The following ACOT12 variants were observed in gnomAD, a reference collection of about 807,000 sequenced individuals.
The protein encoded by ACOT12 is acetyl-coenzyme A thioesterase.
ACOT12 carries 51 observed loss-of-function variants against 67.7 expected under a neutral mutation model. That is an observed-to-expected ratio of 0.75 (90% confidence interval 0.60 to 0.95). ACOT12 has a LOEUF of 0.95. Ranked by LOEUF, ACOT12 falls within the 40% of genes least tolerant of loss-of-function variation. The pLI is 0.00. For synonymous variants in ACOT12, 251 were observed against 244.6 expected, an observed-to-expected ratio of 1.03 and a Z score of -0.24; for missense variants, 734 against 708.1, an observed-to-expected ratio of 1.04 and a Z score of -0.41.
chr5:81,332,489 G>A lies in ACOT12; in HGVS notation c.1379C>T (p.Pro460Leu). The A allele has an allele frequency of 2.5e-6, 4 of 1,613,842 alleles. No homozygotes were observed. Among genetic ancestry groups the A allele is most frequent in the Non-Finnish European group, 3.4e-6 (4 of 1,179,930 alleles). ...DLVVLVSRRK[P>L]LKDGNTYTVA... ...TGCATATACTCACCCATCTTTGAGGGGTTTTCTTCGTGATACGAGTACTAC... is the reference window on the plus strand; with the variant it reads ...TGCATATACTCACCCATCTTTGAGGAGTTTTCTTCGTGATACGAGTACTAC... Residue 460 changes from proline (P) to leucine (L), a missense_variant, in exon 13 of 15, where the codon CCC (proline) becomes CTC (leucine). Physicochemically the swap from Pro to Leu is moderately conservative, Grantham distance 98 (BLOSUM62 -3). Transcript: ENST00000307624.
At chr5:81,347,010 T>A (rs1425137779) in intron 6 of ACOT12, among the ~76,000 whole-genome samples, 1 of 152,180 alleles carries the variant, frequency 6.6e-6, no homozygotes, top group Non-Finnish European at 1.5e-5. Flanking sequence ...GTATTCTAAA[T>A]ATTCTCTTCT....
intron 10 of ACOT12, among the ~76,000 whole-genome samples, chr5:81,343,550 C>A (rs939458845): frequency 6.6e-6 from 1 of 152,218 alleles, no homozygotes; most frequent in Non-Finnish European, 1.5e-5. Context: ...TACCAGGTGG[C>A]ACTGTGCCAT....
In ACOT12 at chr5:81,362,611, G is replaced by A. The variant is rs563763029; in HGVS notation, c.360+1177C>T. ...TCCTTTGTCACTTGCGCTCAGATAC[G>A]GGCACCTGCACCCATCCCCTATTCT... is the stretch of plus-strand genomic sequence containing the variant. On this transcript the variant is annotated intron_variant, in intron 4 of 14. Transcript: ENST00000307624. Among the ~76,000 whole-genome samples, 3 of 152,186 alleles carry A rather than the reference G, an allele frequency of 2.0e-5. No individual in the cohort carries two copies. In the South Asian group the frequency reaches 6.2e-4, roughly 32 times the overall value.
In ACOT12 at chr5:81,344,979, CGCCCTCG is replaced by C; in HGVS notation, c.829_835del (p.Arg277ValfsTer47). ...AATGAGAAAAGCACTGTTGATGTGA[CGCCCTCG>C]GCCCTCGGCCCATTCCTGACAGTCA... On this transcript the variant is annotated frameshift_variant, in exon 8 of 15. Transcript: ENST00000307624. LOFTEE classifies it high-confidence loss of function. 6.2e-7 allele frequency: 1 copy of C among 1,614,152 alleles called. No individual in the cohort carries two copies. Among genetic ancestry groups the C allele is most frequent in the Non-Finnish European group, 8.5e-7 (1 of 1,180,014 alleles).
intron 12 of ACOT12, among the ~76,000 whole-genome samples, chr5:81,332,913 T>A (rs867087385): frequency 1.2e-4 from 18 of 151,970 alleles, no homozygotes; most frequent in Admixed American, 3.3e-4. Context: ...AAAAATTTTT[T>A]AAAAAATTAT....
Position 81,363,888 on chromosome 5 carries a change from A to G in ACOT12, c.260T>C (p.Ile87Thr). The change falls in exon 4 of 15, where the codon ATC (isoleucine) becomes ACC (threonine). Residue 87 changes from isoleucine (I) to threonine (T), a missense_variant and splice_region_variant. Coordinates refer to ENST00000307624, the MANE Select transcript of ACOT12 (RefSeq NM_130767.3). Reference protein sequence around the residue: ...VTRAFSTSMEISIKVMVQDML... With the variant: ...VTRAFSTSMETSIKVMVQDML... The stretch of plus-strand genomic sequence containing the variant: ...ATCCTGTACCATGACCTTGATACTG[A>G]TCTAAAATGAAAAAAAGATAAATAA... 6.4e-7 allele frequency: 1 copy of G among 1,560,258 alleles called. No homozygotes were observed. The highest frequency in any genetic ancestry group is 8.7e-7 in the Non-Finnish European group (1 of 1,153,618).
intron 3 of ACOT12, among the ~76,000 whole-genome samples, chr5:81,367,793 AT>A (rs924380499): frequency 4.6e-5 from 7 of 152,226 alleles, no homozygotes; most frequent in African/African-American, 1.7e-4. Flanking sequence ...AAATAAAAAA[AT>A]AGCATCCAAA....
chr5:81,352,325 G>A (rs1482057713), intron 5 of ACOT12, among the ~76,000 whole-genome samples: 2 of 152,126 alleles, frequency 1.3e-5, no homozygotes, highest in Non-Finnish European at 2.9e-5. Context: ...TTGCAGCCCT[G>A]TTCACAATAG....
downstream of ACOT12, among the ~76,000 whole-genome samples, chr5:81,328,489 C>A (rs1366969951): frequency 6.6e-6 from 1 of 152,144 alleles, no homozygotes; most frequent in African/African-American, 2.4e-5. Flanking sequence ...TTAACTTTTA[C>A]AACTGGAATG....
intron 2 of ACOT12, among the ~76,000 whole-genome samples, chr5:81,382,705 G>A (rs537192550): frequency 6.6e-6 from 1 of 152,174 alleles, no homozygotes; most frequent in East Asian, 1.9e-4. Flanking sequence ...GGGAGGCTGA[G>A]GCAGGAGAAT....
At chr5:81,309,643 C>T in the ACOT12 span, among the ~76,000 whole-genome samples, 44 of 152,282 alleles carry the variant, frequency 2.9e-4, 1 homozygote, top group East Asian at 8.1e-3. Context: ...GGGTTTCCCT[C>T]CTGGAGAAGT....
At chr5:81,383,718 TA>T (rs1760651418) in intron 2 of ACOT12, among the ~76,000 whole-genome samples, 1 of 145,474 alleles carries the variant, frequency 6.9e-6, no homozygotes, top group African/African-American at 2.6e-5. Flanking sequence ...TTGTGTTTAA[TA>T]AAAAAGTTTA....
chr5:81,315,943 C>G, the ACOT12 span, among the ~76,000 whole-genome samples: 3 of 152,148 alleles, frequency 2.0e-5, no homozygotes, highest in Non-Finnish European at 1.5e-5. Context: ...TCGTTTTTGT[C>G]CCATCTCTCT....
chr5:81,385,795 T>C lies in ACOT12; in HGVS notation c.159A>G (p.Thr53=). The change falls in exon 2 of 15, where the codon ACA becomes ACG. Residue 53 remains threonine (T), a synonymous_variant. Transcript: ENST00000307624. ...CAAACTGTATGTCATCCACTGAGGC[T>C]GTAACGCAGGAAACTCCAGCATGTT... ...AEKHAGVSCV[T]ASVDDIQFEE... is the part of the protein sequence containing the mutation. 6.2e-7 allele frequency: 1 copy of C among 1,614,106 alleles called. No individual in the cohort carries two copies. Among genetic ancestry groups the C allele is most frequent in the South Asian group, 1.1e-5 (1 of 91,082 alleles).
chr5:81,329,331 T>G (rs981980986), downstream of ACOT12, among the ~76,000 whole-genome samples: 4 of 152,226 alleles, frequency 2.6e-5, no homozygotes, highest in African/African-American at 9.6e-5. Flanking sequence ...GAATATAATA[T>G]ATAATTATTT....
intron 5 of ACOT12, among the ~76,000 whole-genome samples, chr5:81,350,507 T>C (rs572443595): frequency 1.3e-5 from 2 of 152,344 alleles, no homozygotes; most frequent in East Asian, 3.9e-4. Context: ...AAGCCTTGCT[T>C]TATTTCTATC....
intron 2 of ACOT12, among the ~76,000 whole-genome samples, chr5:81,384,180 A>G (rs551164970): frequency 1.5e-5 from 2 of 132,346 alleles, no homozygotes; most frequent in East Asian, 4.4e-4. Context: ...GCTGGAGTGT[A>G]TTGGCGTGAT....
At chr5:81,334,858 G>A (rs780197506) in intron 12 of ACOT12, among the ~76,000 whole-genome samples, 23 of 152,190 alleles carry the variant, frequency 1.5e-4, no homozygotes, top group Non-Finnish European at 3.4e-4. Flanking sequence ...GGGCTGGGGA[G>A]TGGAGGAGAT....
At chr5:81,309,306 C>A in the ACOT12 span, 1 of 332,444 alleles carries the variant, frequency 3.0e-6, no homozygotes, top group East Asian at 5.2e-5. Context: ...TACATTTCTA[C>A]TTTTAGACAT....
Sources: allele counts gnomAD v4.1 joint callset (sites outside exome capture counted in the v4.1 genomes callset), GRCh38; gene constraint gnomAD v4.1.1; transcripts MANE v1.5; gene names NCBI Gene and HGNC (gene_info 2026-07-23, HGNC 2026-07-21).